TTBK1: variants seen among roughly 807,000 people sequenced by gnomAD.
The protein encoded by TTBK1 is tau-tubulin kinase 1.
TTBK1 carries 34 observed loss-of-function variants against 108.5 expected under a neutral mutation model. The observed-to-expected ratio is 0.31, with a 90% CI of 0.24 to 0.42. The LOEUF is 0.42. Ranked by LOEUF, TTBK1 falls within the 10% of genes least tolerant of loss-of-function variation. TTBK1 has a pLI of 1.00. For synonymous variants in TTBK1, 809 were observed against 795.1 expected (o/e 1.02, Z -0.29); for missense variants, 1,539 against 1,826.0 (o/e 0.84, Z 2.86).
At position 43,282,136 on chromosome 6, in the gene TTBK1, G is replaced by A. The variant is rs1443194051; in HGVS notation, c.1987-591G>A. Among the ~76,000 whole-genome samples the A allele has an allele frequency of 6.6e-6, 1 of 152,340 alleles. No homozygotes were observed. The highest frequency in any genetic ancestry group is 2.1e-4 in the South Asian group (1 of 4,832). ...ACTTTTAAGGGTAGAGGACAGCCCC[G>A]CCTTTGCCCTTGTCCAGCACAGGAT... On this transcript the variant is annotated intron_variant, in intron 13 of 14. Transcript: ENST00000259750. The surrounding 1 kb of genome is among the most constrained non-coding windows in gnomAD (Gnocchi z 5.4).
At position 43,285,341 on chromosome 6, in the gene TTBK1, G is replaced by C; in HGVS notation, c.3931G>C (p.Ala1311Pro). Reference sequence around the variant, plus strand: ...TCAGCGCGCAACAACCAAAGGCCGGGCAGGAGGCGCGGAGGGCCGGGCTGG... The same window carrying C: ...TCAGCGCGCAACAACCAAAGGCCGGCCAGGAGGCGCGGAGGGCCGGGCTGG... ...QAQRATTKGR[A>P]GGAEGRAGAR Residue 1311 changes from alanine to proline, a missense_variant, in exon 15 of 15, where the codon GCA becomes CCA. This residue lies in a region of TTBK1 where 1,055 missense variants were observed against 1,086.5 expected (regional missense o/e 0.97). Coordinates refer to ENST00000259750, the MANE Select transcript of TTBK1 (RefSeq NM_032538.3). This position sits in a 1 kb window ranked among gnomAD's most constrained non-coding sequence, Gnocchi z 4.7. 1 of 1,284,980 alleles carries C rather than the reference G, an allele frequency of 7.8e-7. No individual in the cohort carries two copies. The highest frequency in any genetic ancestry group is 9.8e-7 in the Non-Finnish European group (1 of 1,020,844). The allele number at this position is 1,284,980 out of a possible 1,614,324, so 79.6% of individuals were successfully genotyped here. A position where few individuals can be genotyped will look rare whatever the true frequency, so the allele number is the denominator to read the frequency against.
At position 43,276,369 on chromosome 6, in the gene TTBK1, G is replaced by A. The variant is rs1453516517; in HGVS notation, c.1987-6358G>A. Among the ~76,000 whole-genome samples, 1 of 152,090 alleles carries A rather than the reference G, an allele frequency of 6.6e-6. No individual in the cohort carries two copies. The highest frequency in any genetic ancestry group is 1.5e-5 in the Non-Finnish European group (1 of 68,018). ...CCTTAGTGTACATAGCGGCGTCGGG[G>A]GGTGGCCCCAGGCCCGGGTAGAAAA... On this transcript the variant is annotated intron_variant, in intron 13 of 14. Coordinates refer to ENST00000259750, the MANE Select transcript of TTBK1 (RefSeq NM_032538.3). This position sits in a 1 kb window ranked among gnomAD's most constrained non-coding sequence, Gnocchi z 5.4.
chr6:43,258,107 A>C, intron 10 of TTBK1, 141 bp downstream of exon 10: 1 of 984,766 alleles, frequency 1.0e-6, no homozygotes, highest in Non-Finnish European at 1.4e-6. Context: ...GGACTTTGGG[A>C]AACTCTGCCA....
intron 13 of TTBK1, chr6:43,270,206 G>T (rs1000148707): frequency 1.5e-6 from 2 of 1,317,562 alleles, no homozygotes; most frequent in African/African-American, 3.1e-5. Context: ...GGGGCTGGTG[G>T]TACAGTTTCC....
chr6:43,255,453 G>A (rs1777357833), intron 7 of TTBK1, 99 bp from the exon 8 acceptor site: 1 of 1,133,310 alleles, frequency 8.8e-7, no homozygotes, highest in Non-Finnish European at 1.3e-6. Context: ...GGGCCTGGGT[G>A]TCAGGCCTCC....
chr6:43,266,693 T>A (rs144333341), intron 13 of TTBK1, among the ~76,000 whole-genome samples: 1 of 152,200 alleles, frequency 6.6e-6, no homozygotes, highest in African/African-American at 2.4e-5. Flanking sequence ...CTCGGCTCAC[T>A]GCAACCTCCA....
intron 12 of TTBK1, among the ~76,000 whole-genome samples, chr6:43,261,808 C>CAAA (rs11409412): frequency 2.0e-4 from 17 of 86,048 alleles, no homozygotes; most frequent in Admixed American, 3.9e-4. Flanking sequence ...GATTCTGTCT[C>CAAA]AAAAAAAAAA....
rs1777990123 is a variant in TTBK1 at position 43,276,155 on chromosome 6, G to GT, written c.1987-6571dup. 1.3e-5 allele frequency among the ~76,000 whole-genome samples: 2 copies of GT among 152,150 alleles called. No homozygotes were observed. The highest frequency in any genetic ancestry group is 2.9e-5 in the Non-Finnish European group (2 of 68,026). ...TATTCCTGAGCCTTCCCCTCCCATC[G>GT]TAAGTCCTTCCCTCGACCCCCCATT... On this transcript the variant is annotated intron_variant, in intron 13 of 14. Transcript: ENST00000259750. The surrounding 1 kb of genome is among the most constrained non-coding windows in gnomAD (Gnocchi z 5.4).
At position 43,266,258 on chromosome 6, in the gene TTBK1, G is replaced by A. The variant is rs549637876; in HGVS notation, c.1986+2908G>A. Among the ~76,000 whole-genome samples, 7 of 152,334 alleles carry A rather than the reference G, an allele frequency of 4.6e-5. 1 individual carries two copies. In the South Asian group the frequency reaches 1.5e-3, roughly 32 times the overall value. Reference sequence around the variant, plus strand: ...CACATGTATGTGCCTGCATGTGGGTGCACACATTATTGCATTTGTGTAGAA... The same window carrying A: ...CACATGTATGTGCCTGCATGTGGGTACACACATTATTGCATTTGTGTAGAA... On this transcript the variant is annotated intron_variant, in intron 13 of 14. Coordinates refer to ENST00000259750, the MANE Select transcript of TTBK1 (RefSeq NM_032538.3).
At chr6:43,245,667 G>A (rs976967236) in intron 1 of TTBK1, among the ~76,000 whole-genome samples, 3 of 151,964 alleles carry the variant, frequency 2.0e-5, no homozygotes, top group Admixed American at 6.6e-5. Context: ...CCCAACCCCC[G>A]CCGTTGGGAA....
At position 43,283,982 on chromosome 6, in the gene TTBK1, A is replaced by G; in HGVS notation, c.3242A>G (p.Lys1081Arg). 6.2e-7 allele frequency: 1 copy of G among 1,608,856 alleles called. No individual in the cohort carries two copies. The highest frequency in any genetic ancestry group is 8.5e-7 in the Non-Finnish European group (1 of 1,177,510). The change falls in exon 14 of 15, where the codon AAG (lysine) becomes AGG (arginine). Residue 1081 changes from lysine to arginine, a missense_variant. This residue lies in a region of TTBK1 where 1,055 missense variants were observed against 1,086.5 expected (regional missense o/e 0.97). Coordinates refer to ENST00000259750, the MANE Select transcript of TTBK1 (RefSeq NM_032538.3). This position sits in a 1 kb window ranked among gnomAD's most constrained non-coding sequence, Gnocchi z 8.1. ...CTGTCGGCCAAAGAGCGGTGGAGCA[A>G]GCGGGCTCGGCCGCAGCAGGACCTG... ...GSLSAKERWS[K>R]RARPQQDLAR...
Position 43,283,330 on chromosome 6 carries a change from G to A in TTBK1, c.2590G>A (p.Ala864Thr). 6.3e-7 allele frequency: 1 copy of A among 1,588,330 alleles called. No individual in the cohort carries two copies. Among genetic ancestry groups the A allele is most frequent in the Non-Finnish European group, 8.6e-7 (1 of 1,167,546 alleles). The stretch of plus-strand genomic sequence containing the variant: ...CGACCCCGACCTGGGCACCCTGGCT[G>A]CCCTCACTCCTCAGCATGAGCGGCC... ...APDPDLGTLA[A>T]LTPQHERPQP... Residue 864 changes from alanine (A) to threonine (T), a missense_variant, in exon 14 of 15, where the codon GCC becomes ACC. Ala to Thr is a moderately conservative substitution (Grantham distance 58, BLOSUM62 0). This residue lies in a region of TTBK1 where 1,055 missense variants were observed against 1,086.5 expected (regional missense o/e 0.97). Transcript: ENST00000259750. This position sits in a 1 kb window ranked among gnomAD's most constrained non-coding sequence, Gnocchi z 8.1.
intron 5 of TTBK1, 25 bp from the exon 6 acceptor site, chr6:43,254,522 A>G: frequency 6.5e-7 from 1 of 1,529,260 alleles, no homozygotes; most frequent in Non-Finnish European, 8.8e-7. Flanking sequence ...GGGCCCCCAG[A>G]GCTCACAGCT....
chr6:43,261,187 G>A (rs1031315191), intron 12 of TTBK1, among the ~76,000 whole-genome samples: 1 of 152,144 alleles, frequency 6.6e-6, no homozygotes, highest in African/African-American at 2.4e-5. Context: ...GGCTGGGGTG[G>A]TGGTATTTTA....
At position 43,254,635 on chromosome 6, in the gene TTBK1, C is replaced by T. The variant is rs530255419; in HGVS notation, c.560C>T (p.Thr187Met). ...FGLARQYTNT[T>M]GDVRPPRNVA... ...CTGGCCCGGCAGTACACCAACACCA[C>T]GGGGGATGTGCGGCCCGTGAGTACC... Residue 187 changes from threonine (T) to methionine (M), a missense_variant, in exon 6 of 15, where the codon ACG becomes ATG. Around this residue, in one of 5 missense-constraint regions of TTBK1, gnomAD observed 155 missense variants for 348.5 expected, o/e 0.44. Transcript: ENST00000259750. The T allele has an allele frequency of 1.8e-5, 28 of 1,583,068 alleles. No homozygotes were observed. Among genetic ancestry groups the T allele is most frequent in the Middle Eastern group, 1.7e-4 (1 of 5,936 alleles).
chr6:43,273,952 C>A lies in TTBK1; in HGVS notation c.1987-8775C>A, dbSNP rs1338141487. Among the ~76,000 whole-genome samples, 1 of 152,086 alleles carries A rather than the reference C, an allele frequency of 6.6e-6. No homozygotes were observed. Among genetic ancestry groups the A allele is most frequent in the Non-Finnish European group, 1.5e-5 (1 of 68,014 alleles). ...TTCTTGCCCAGGAACTCGAACCTGG[C>A]CAGTGGGGATGTGTGGTGTGTGCTG... On this transcript the variant is annotated intron_variant, in intron 13 of 14. Coordinates refer to ENST00000259750, the MANE Select transcript of TTBK1 (RefSeq NM_032538.3). This position sits in a 1 kb window ranked among gnomAD's most constrained non-coding sequence, Gnocchi z 4.2.
chr6:43,278,951 G>A (rs1365072672), intron 13 of TTBK1, among the ~76,000 whole-genome samples: 1 of 152,184 alleles, frequency 6.6e-6, no homozygotes, highest in African/African-American at 2.4e-5. Context: ...GAGATTCAGG[G>A]CTCTTCCTCC....
chr6:43,260,506 T>C (rs965627301), intron 12 of TTBK1, among the ~76,000 whole-genome samples: 4 of 152,172 alleles, frequency 2.6e-5, no homozygotes, highest in Non-Finnish European at 5.9e-5. Context: ...ATCCACTCTG[T>C]GTGTCTCCTT....
At chr6:43,270,721 T>G (rs1395855314) in intron 13 of TTBK1, 1 of 985,054 alleles carries the variant, frequency 1.0e-6, no homozygotes, top group East Asian at 1.1e-4. Context: ...TGAGGATGGA[T>G]GAGAGGGGCC....
Sources: allele counts gnomAD v4.1 joint callset (sites outside exome capture counted in the v4.1 genomes callset), GRCh38; gene constraint gnomAD v4.1.1; regional missense constraint gnomAD v4.1.1; non-coding constraint Gnocchi (gnomAD v3.1); transcripts MANE v1.5; gene names NCBI Gene and HGNC (gene_info 2026-07-23, HGNC 2026-07-21).